The following PTGFRN variants were observed in gnomAD, a reference collection of about 807,000 sequenced individuals.
The protein encoded by PTGFRN is prostaglandin F2 receptor negative regulator.
In PTGFRN, 35 loss-of-function variants were observed where a neutral mutation model predicts 83.2. The observed-to-expected ratio is 0.42, with a 90% CI of 0.32 to 0.56. The LOEUF (loss-of-function observed/expected upper bound fraction) is 0.56. PTGFRN is among the 20% of genes least tolerant of loss of function. PTGFRN has a pLI of 0.11. For missense variants in PTGFRN, 1,051 were observed against 1,179.5 expected (o/e 0.89, Z 1.60); for synonymous variants, 519 against 498.6 (o/e 1.04, Z -0.55).
chr1:116,940,847 A>C (rs1388639285), intron 1 of PTGFRN, among the ~76,000 whole-genome samples: 1 of 152,366 alleles, frequency 6.6e-6, no homozygotes, highest in East Asian at 1.9e-4. Flanking sequence ...AATGCTAAAC[A>C]GGTAGTAAAT....
At chr1:116,985,992 T>C (rs180971113) in intron 8 of PTGFRN, among the ~76,000 whole-genome samples, 3 of 152,322 alleles carry the variant, frequency 2.0e-5, no homozygotes, top group Admixed American at 1.3e-4. Context: ...CGAGGATGAG[T>C]AAAAGCCTTT....
chr1:116,940,959 A>G lies in PTGFRN; in HGVS notation c.50-756A>G, dbSNP rs1650043978. ...TACCAGAGAGGGCTGGGAATTGCAC[A>G]CTCTTAGGGAAGGGAAAACCAGTGA... On this transcript the variant is annotated intron_variant, in intron 1 of 8. Coordinates refer to ENST00000393203, the MANE Select transcript of PTGFRN (RefSeq NM_020440.4). 2.0e-5 allele frequency among the ~76,000 whole-genome samples: 3 copies of G among 152,208 alleles called. No homozygotes were observed. In the South Asian group the frequency reaches 6.2e-4, roughly 32 times the overall value.
chr1:116,941,797 C>A lies in PTGFRN; in HGVS notation c.132C>A (p.Asn44Lys), dbSNP rs761314119. The A allele has an allele frequency of 1.2e-6, 2 of 1,614,176 alleles. No homozygotes were observed. Among genetic ancestry groups the A allele is most frequent in the South Asian group, 1.1e-5 (1 of 91,074 alleles). ...VVGTELVIPC[N>K]VSDYDGPSEQ... is the part of the protein sequence containing the mutation. Reference sequence around the variant, plus strand: ...GCACTGAGCTGGTCATCCCCTGCAACGTCAGTGACTATGATGGCCCCAGCG... The same window carrying A: ...GCACTGAGCTGGTCATCCCCTGCAAAGTCAGTGACTATGATGGCCCCAGCG... Residue 44 changes from asparagine to lysine, a missense_variant, in exon 2 of 9, where the codon AAC becomes AAA. Physicochemically the swap from Asn to Lys is moderately conservative, Grantham distance 94. Around this residue, in one of 3 missense-constraint regions of PTGFRN, gnomAD observed 127 missense variants for 168.4 expected, o/e 0.75. Coordinates refer to ENST00000393203, the MANE Select transcript of PTGFRN (RefSeq NM_020440.4). The surrounding 1 kb of genome is among the most constrained non-coding windows in gnomAD (Gnocchi z 5.0).
intron 6 of PTGFRN, among the ~76,000 whole-genome samples, chr1:116,967,638 T>C (rs1476172675): frequency 6.6e-6 from 1 of 152,236 alleles, no homozygotes; most frequent in African/African-American, 2.4e-5. Context: ...TCTGTCTCTA[T>C]ACATTTTGCC....
In PTGFRN at chr1:116,974,102, C is replaced by T. The variant is rs989435800; in HGVS notation, c.2060-114C>T. The T allele has an allele frequency of 6.5e-6, 5 of 770,138 alleles. No individual in the cohort carries two copies. In the Admixed American group the frequency reaches 1.2e-4, roughly 19 times the overall value. The allele number at this position is 770,138 out of a possible 1,614,324, so 47.7% of individuals were successfully genotyped here. A position where few individuals can be genotyped will look rare whatever the true frequency, so the allele number is the denominator to read the frequency against. On this transcript the variant is annotated intron_variant, in intron 6 of 8. Coordinates refer to ENST00000393203, the MANE Select transcript of PTGFRN (RefSeq NM_020440.4). ...CTTGGAACACCTATTTTGTGAGTTTCTAGACCAGTTCCCAGGGAAGAGAAC... is the reference window on the plus strand; with the variant it reads ...CTTGGAACACCTATTTTGTGAGTTTTTAGACCAGTTCCCAGGGAAGAGAAC...
chr1:116,945,912 GC>G lies in PTGFRN; in HGVS notation c.832+823del, dbSNP rs572063489. ...TACTGTGTGCTCAGCTCTGTTCTGG[GC>G]CCTTGGGTCAGAGGTATTTGAGGCT... On this transcript the variant is annotated intron_variant, in intron 3 of 8. Transcript: ENST00000393203. Among the ~76,000 whole-genome samples the G allele has an allele frequency of 2.6e-5, 4 of 152,120 alleles. No individual in the cohort carries two copies. The South Asian group carries it at 8.3e-4, about 32-fold the overall frequency.
At chr1:116,962,226 C>T (rs1474739385) in intron 5 of PTGFRN, 1 of 152,974 alleles carries the variant, frequency 6.5e-6, no homozygotes, top group Non-Finnish European at 1.5e-5. Context: ...CTAGGTCCTC[C>T]GTTCATTCTT....
rs1557954260 is a variant in PTGFRN at position 116,910,157 on chromosome 1, C to T, written c.-47C>T. 1.3e-6 allele frequency: 2 copies of T among 1,512,622 alleles called. No individual in the cohort carries two copies. The highest frequency in any genetic ancestry group is 2.6e-5 in the East Asian group (1 of 38,646). 93.7% of individuals were successfully genotyped at this position (1,512,622 alleles called of 1,614,324 possible). ...GCTGGAAGAGGAGGAGGAGGAGAGG[C>T]GGCGGGGAAGGAGGAGGAGGGGGAG... is the stretch of plus-strand genomic sequence containing the variant. On this transcript the variant is annotated 5_prime_UTR_variant, in exon 1 of 9. Coordinates refer to ENST00000393203, the MANE Select transcript of PTGFRN (RefSeq NM_020440.4).
chr1:116,911,948 G>T (rs57601281), intron 1 of PTGFRN, among the ~76,000 whole-genome samples: 19,205 of 152,216 alleles, frequency 0.13, 2,196 homozygotes, highest in African/African-American at 0.3. Flanking sequence ...TTGCACAGAT[G>T]GTGCACTGTA....
rs559849639 is a variant in PTGFRN at position 116,918,247 on chromosome 1, A to G, written c.49+7995A>G. 1.6e-4 allele frequency among the ~76,000 whole-genome samples: 25 copies of G among 152,356 alleles called. 1 individual carries two copies. The South Asian group carries it at 4.6e-3, about 28-fold the overall frequency. The stretch of plus-strand genomic sequence containing the variant: ...ATTCAGGCTTCAGAATCAGCCTTTC[A>G]TTTGAATCCTGTCTTCCCTCAGTGT... On this transcript the variant is annotated intron_variant, in intron 1 of 8. Transcript: ENST00000393203. The surrounding 1 kb of genome is among the most constrained non-coding windows in gnomAD (Gnocchi z 4.1).
rs560392261 is a variant in PTGFRN, at chr1:116,949,287, C to T, written c.928C>T (p.Arg310Trp). ...NITTDRADDV[R>W]PEVTWSFSRM... The stretch of plus-strand genomic sequence containing the variant: ...CACAACAGACCGAGCCGATGACGTC[C>T]GGCCCGAGGTGACGTGGTCCTTCAG... Residue 310 changes from arginine (R) to tryptophan (W), a missense_variant, in exon 4 of 9, where the codon CGG (arginine) becomes TGG (tryptophan). Arg to Trp is a moderately radical substitution (Grantham distance 101). Around this residue, in one of 3 missense-constraint regions of PTGFRN, gnomAD observed 719 missense variants for 836.6 expected, o/e 0.86. Transcript: ENST00000393203. 2.2e-5 allele frequency: 35 copies of T among 1,614,250 alleles called. No homozygotes were observed. The highest frequency in any genetic ancestry group is 1.6e-4 in the Middle Eastern group (1 of 6,062).
chr1:116,964,626 C>T (rs1347254184), intron 5 of PTGFRN, among the ~76,000 whole-genome samples: 1 of 152,224 alleles, frequency 6.6e-6, no homozygotes, highest in Non-Finnish European at 1.5e-5. Context: ...TCCAGATTTA[C>T]ATGTCTACCC....
At chr1:116,973,788 T>C (rs1420692534) in intron 6 of PTGFRN, among the ~76,000 whole-genome samples, 3 of 152,054 alleles carry the variant, frequency 2.0e-5, no homozygotes, top group Admixed American at 2.0e-4. Context: ...CCCAGCACAG[T>C]GCAGTGAGAC....
intron 2 of PTGFRN, 25 bp from the exon 3 acceptor site, chr1:116,944,653 AC>A: frequency 1.4e-6 from 2 of 1,398,268 alleles, no homozygotes; most frequent in Non-Finnish European, 1.9e-6. Flanking sequence ...TGGACGGGCT[AC>A]TGACCTAGCT....
chr1:116,944,561 TC>T (rs1236413349), intron 2 of PTGFRN, 117 bp from the exon 3 acceptor site: 1 of 1,070,980 alleles, frequency 9.3e-7, no homozygotes, highest in East Asian at 3.3e-5. Flanking sequence ...AACGTGCCCA[TC>T]CGGGTCTTGG....
chr1:116,975,486 A>G (rs1280968626), intron 7 of PTGFRN, among the ~76,000 whole-genome samples: 1 of 152,200 alleles, frequency 6.6e-6, no homozygotes, highest in African/African-American at 2.4e-5. Context: ...GTAGGGGCAG[A>G]CTGACACCTC....
Position 116,986,946 on chromosome 1 carries a change from C to G in PTGFRN, c.2619C>G (p.Leu873=), listed in dbSNP as rs1443049802. Reference sequence around the variant, plus strand: ...AGACACGGCGCGAGCGCCGCAGGCTCATGTCGATGGAGATGGACTAGGCTG... The same window carrying G: ...AGACACGGCGCGAGCGCCGCAGGCTGATGTCGATGGAGATGGACTAGGCTG... The part of the protein sequence containing the change: ...VQETRRERRR[L]MSMEMD Residue 873 remains leucine, a synonymous_variant, in exon 9 of 9, where the codon CTC becomes CTG. Transcript: ENST00000393203. The G allele has an allele frequency of 6.2e-7, 1 of 1,614,228 alleles. No individual in the cohort carries two copies. The highest frequency in any genetic ancestry group is 8.5e-7 in the Non-Finnish European group (1 of 1,180,048).
At chr1:116,962,318 T>C (rs903524870) in intron 5 of PTGFRN, 2 of 152,042 alleles carry the variant, frequency 1.3e-5, no homozygotes, top group African/African-American at 4.8e-5. Flanking sequence ...TGTAGAGCAC[T>C]GGGTCACAAT....
chr1:116,941,623 C>T lies in PTGFRN; in HGVS notation c.50-92C>T. Reference sequence around the variant, plus strand: ...GTTTGGCTGTCACGTTTCTGCCATGCCTGTGAGCAGGAGCATCCACAGGTT... The same window carrying T: ...GTTTGGCTGTCACGTTTCTGCCATGTCTGTGAGCAGGAGCATCCACAGGTT... On this transcript the variant is annotated intron_variant, in intron 1 of 8. Transcript: ENST00000393203. This position sits in a 1 kb window ranked among gnomAD's most constrained non-coding sequence, Gnocchi z 5.0. 2.0e-6 allele frequency: 3 copies of T among 1,483,152 alleles called. No homozygotes were observed. The highest frequency in any genetic ancestry group is 2.7e-6 in the Non-Finnish European group (3 of 1,110,812). 91.9% of individuals were successfully genotyped at this position (1,483,152 alleles called of 1,614,324 possible).
Sources: gnomAD v4.1 joint callset for allele counts (sites outside exome capture counted in the v4.1 genomes callset) on GRCh38, gnomAD v4.1.1 for gene constraint, gnomAD v4.1.1 regional missense constraint, Gnocchi (gnomAD v3.1) non-coding constraint, MANE v1.5 for transcripts, NCBI Gene and HGNC (gene_info 2026-07-23, HGNC 2026-07-21) for gene names.